HTR7: variants seen among roughly 807,000 people sequenced by gnomAD.
HTR7 encodes 5-HT-7.
Under a neutral mutation model 34.0 loss-of-function variants are expected in HTR7, and 16 were observed. That is an observed-to-expected ratio of 0.47 (90% CI 0.32 to 0.71). HTR7 has a LOEUF of 0.71. Among genes scored for constraint, HTR7 ranks in the 30% least tolerant of loss-of-function variants. The pLI is 0.04. For synonymous variants in HTR7, 265 were observed against 260.2 expected (o/e 1.02, Z -0.18); for missense variants, 504 against 625.5 (o/e 0.81, Z 2.07).
intron 1 of HTR7, among the ~76,000 whole-genome samples, chr10:90,842,218 T>G (rs1846339558): frequency 6.6e-6 from 1 of 152,144 alleles, no homozygotes; most frequent in Admixed American, 6.5e-5. Flanking sequence ...TGCTAGGCCC[T>G]TTTGCCCTCT....
At chr10:90,793,404 C>A (rs1473516391) in intron 1 of HTR7, among the ~76,000 whole-genome samples, 1 of 150,278 alleles carries the variant, frequency 6.7e-6, no homozygotes, top group East Asian at 1.9e-4. Flanking sequence ...TCCAGGAATG[C>A]AAGAAGAGTT....
chr10:90,786,791 G>A (rs1329148475), intron 1 of HTR7, among the ~76,000 whole-genome samples: 1 of 152,160 alleles, frequency 6.6e-6, no homozygotes, highest in Admixed American at 6.5e-5. Context: ...GAAAGCAAGA[G>A]GGCAAGAGGG....
chr10:90,815,288 C>T (rs1845882051), intron 1 of HTR7, among the ~76,000 whole-genome samples: 1 of 152,068 alleles, frequency 6.6e-6, no homozygotes, highest in Non-Finnish European at 1.5e-5. Flanking sequence ...GACAGGGTTT[C>T]ACCGTGTTGG....
At position 90,743,639 on chromosome 10, in the gene HTR7, T is replaced by C. The variant is rs1313299907; in HGVS notation, c.1347A>G (p.Val449=). 1.2e-6 allele frequency: 2 copies of C among 1,614,018 alleles called. No homozygotes were observed. Among genetic ancestry groups the C allele is most frequent in the African/African-American group, 1.3e-5 (1 of 75,032 alleles). ...CTGGAGATTGTAGCACCCACACAGA[T>C]ACCGGTGGCCTCTTTTCTGGTCTCA... ...VLLRPEKRPP[V]SVWVLQSPDH... The change falls in exon 3 of 4, where the codon GTA becomes GTG. Residue 449 remains valine (V), a synonymous_variant. Transcript: ENST00000336152.
chr10:90,818,158 G>T (rs1210416186), intron 1 of HTR7, among the ~76,000 whole-genome samples: 1 of 152,186 alleles, frequency 6.6e-6, no homozygotes. Flanking sequence ...GGGAGGTGGG[G>T]CCAAATGGGA....
chr10:90,749,656 G>C lies in HTR7; in HGVS notation c.540-62C>G, dbSNP rs1844704653. On this transcript the variant is annotated intron_variant, in intron 1 of 3. Transcript: ENST00000336152. This position sits in a 1 kb window ranked among gnomAD's most constrained non-coding sequence, Gnocchi z 4.2. ...TGATCATAACTGGTCAACCAAGCAA[G>C]TCCTGCCAGCCAGGTACCAGCGCCA... 5 of 1,496,196 alleles carry C rather than the reference G, an allele frequency of 3.3e-6. No homozygotes were observed. The East Asian group carries it at 1.1e-4, about 34-fold the overall frequency. The allele number at this position is 1,496,196 out of a possible 1,614,324, so 92.7% of individuals were successfully genotyped here.
chr10:90,750,391 T>C (rs79716355), intron 1 of HTR7, among the ~76,000 whole-genome samples: 473 of 152,308 alleles, frequency 3.1e-3, no homozygotes, highest in Middle Eastern at 0.01. Flanking sequence ...AAGTCTGTGA[T>C]CAAGGATTTG....
At chr10:90,747,217 T>G (rs1231741578) in intron 2 of HTR7, among the ~76,000 whole-genome samples, 1 of 152,214 alleles carries the variant, frequency 6.6e-6, no homozygotes, top group African/African-American at 2.4e-5. Flanking sequence ...TCAATAATGG[T>G]TAGCAGTTAT....
In HTR7 at chr10:90,857,857, G is replaced by A. The variant is rs1294545101; in HGVS notation, c.-186C>T. Among the ~76,000 whole-genome samples, 6 of 151,652 alleles carry A rather than the reference G, an allele frequency of 4.0e-5. No individual in the cohort carries two copies. The highest frequency in any genetic ancestry group is 2.1e-4 in the South Asian group (1 of 4,832). The stretch of plus-strand genomic sequence containing the variant: ...CTCCCCGGACCCCCGGCCGCTGCGG[G>A]TAACGCGGCAGCGCGGCCTCACGGG... On this transcript the variant is annotated 5_prime_UTR_variant, in exon 1 of 4. Transcript: ENST00000336152. The surrounding 1 kb of genome is among the most constrained non-coding windows in gnomAD (Gnocchi z 6.5).
At position 90,809,113 on chromosome 10, in the gene HTR7, G is replaced by T; in HGVS notation, c.539+48020C>A. Among the ~76,000 whole-genome samples, 4 of 151,514 alleles carry T rather than the reference G, an allele frequency of 2.6e-5. No homozygotes were observed. In the South Asian group the frequency reaches 8.4e-4, roughly 32 times the overall value. ...GATCTATCTGACCTCTCCCCTCCTC[G>T]CCAGGCCGAGCTAAGTCCCAATTCT... On this transcript the variant is annotated intron_variant, in intron 1 of 3. Coordinates refer to ENST00000336152, the MANE Select transcript of HTR7 (RefSeq NM_019859.4).
intron 1 of HTR7, among the ~76,000 whole-genome samples, chr10:90,761,664 G>C (rs1426437755): frequency 6.9e-6 from 1 of 145,114 alleles, no homozygotes; most frequent in African/African-American, 2.6e-5. Flanking sequence ...GTGTGTGTGT[G>C]GTGAGGTTTA....
intron 1 of HTR7, among the ~76,000 whole-genome samples, chr10:90,786,923 CG>C (rs1845388567): frequency 6.6e-6 from 1 of 152,170 alleles, no homozygotes; most frequent in Admixed American, 6.5e-5. Flanking sequence ...AAAAAATCAT[CG>C]TCTGCGTTAC....
chr10:90,845,660 C>G (rs1846404504), intron 1 of HTR7, among the ~76,000 whole-genome samples: 2 of 152,190 alleles, frequency 1.3e-5, no homozygotes, highest in Non-Finnish European at 2.9e-5. Flanking sequence ...TGAAGGGTTT[C>G]CAAAGAAGCA....
chr10:90,759,661 C>CA (rs60718814), intron 1 of HTR7, among the ~76,000 whole-genome samples: 2,404 of 67,326 alleles, frequency 0.036, 29 homozygotes, highest in Non-Finnish European at 0.049. Flanking sequence ...GACTCTGTCT[C>CA]AAAAAAAAAA....
At position 90,857,435 on chromosome 10, in the gene HTR7, G is replaced by T; in HGVS notation, c.237C>A (p.Val79=). The T allele has an allele frequency of 6.2e-7, 1 of 1,614,006 alleles. No homozygotes were observed. Among genetic ancestry groups the T allele is most frequent in the Non-Finnish European group, 8.5e-7 (1 of 1,180,030 alleles). Residue 79 remains valine (V), a synonymous_variant, in exon 1 of 4, where the codon GTC becomes GTA. Coordinates refer to ENST00000336152, the MANE Select transcript of HTR7 (RefSeq NM_019859.4). This position sits in a 1 kb window ranked among gnomAD's most constrained non-coding sequence, Gnocchi z 6.5. The stretch of plus-strand genomic sequence containing the variant: ...GGATGGAGCCGATCACAACTTTCTC[G>T]ACTCTGCCGTAGTTGATCTGTTCCC... ...GCGEQINYGR[V]EKVVIGSILT...
At chr10:90,825,694 GA>G (rs1846061297) in intron 1 of HTR7, among the ~76,000 whole-genome samples, 1 of 152,142 alleles carries the variant, frequency 6.6e-6, no homozygotes, top group African/African-American at 2.4e-5. Flanking sequence ...TTCTAGAGTT[GA>G]AAAATGAAAT....
At chr10:90,832,490 A>C (rs535442550) in intron 1 of HTR7, among the ~76,000 whole-genome samples, 1 of 152,208 alleles carries the variant, frequency 6.6e-6, no homozygotes, top group Non-Finnish European at 1.5e-5. Flanking sequence ...CGCCAAGCCC[A>C]CGCCCACCCG....
intron 1 of HTR7, among the ~76,000 whole-genome samples, chr10:90,751,572 C>T (rs1025245951): frequency 6.6e-6 from 1 of 152,298 alleles, no homozygotes; most frequent in East Asian, 1.9e-4. Flanking sequence ...GGTTACTTTA[C>T]ACAATTCCCC....
intron 1 of HTR7, among the ~76,000 whole-genome samples, chr10:90,854,521 G>A (rs1055757373): frequency 1.1e-4 from 17 of 151,888 alleles, no homozygotes; most frequent in Admixed American, 1.1e-3. Flanking sequence ...TTTTTAACTG[G>A]AAAGAAGTAA....
Sources: allele counts gnomAD v4.1 joint callset (sites outside exome capture counted in the v4.1 genomes callset), GRCh38; gene constraint gnomAD v4.1.1; non-coding constraint Gnocchi (gnomAD v3.1); transcripts MANE v1.5; gene names NCBI Gene and HGNC (gene_info 2026-07-23, HGNC 2026-07-21).